The following SOCS5 variants were observed in gnomAD, a reference collection of about 807,000 sequenced individuals.
SOCS5 encodes CIS-6.
Under a neutral mutation model 42.8 loss-of-function variants are expected in SOCS5, and 32 were observed. That is an observed-to-expected ratio of 0.75 (90% CI 0.56 to 1.01). The LOEUF (loss-of-function observed/expected upper bound fraction) is 1.01, where lower values mean the gene tolerates loss of function less well. Ranked by LOEUF, SOCS5 falls within the 50% of genes least tolerant of loss-of-function variation. The pLI is 0.00. For missense variants in SOCS5, 627 were observed against 653.0 expected (o/e 0.96, Z 0.43); for synonymous variants, 283 against 229.6 (o/e 1.23, Z -2.10).
chr2:46,724,470 G>C (rs1672950720), intron 1 of SOCS5, among the ~76,000 whole-genome samples: 1 of 151,862 alleles, frequency 6.6e-6, no homozygotes, highest in East Asian at 1.9e-4. Flanking sequence ...TGGACAGTTA[G>C]ATTACTGATT....
chr2:46,701,863 A>G (rs9309136), intron 1 of SOCS5, among the ~76,000 whole-genome samples: 83,680 of 125,088 alleles, frequency 0.67, 29,791 homozygotes, highest in African/African-American at 0.84. Flanking sequence ...GAAGGCTTCT[A>G]TATTTTGAAA....
chr2:46,741,370 C>T (rs1397531090), intron 1 of SOCS5, among the ~76,000 whole-genome samples: 1 of 152,108 alleles, frequency 6.6e-6, no homozygotes, highest in Non-Finnish European at 1.5e-5. Context: ...GTCCAAGTAG[C>T]TGGGATTACA....
In SOCS5 at chr2:46,761,717, G is replaced by A. The variant is rs191708882; in HGVS notation, c.*1576G>A. On this transcript the variant is annotated 3_prime_UTR_variant, in exon 2 of 2. Transcript: ENST00000394861. ...ACAACCTTTCTATAGTTAATGCAGA[G>A]TTAATGAACAGTCTAATATTGACTT... 4 of 166,696 alleles carry A rather than the reference G, an allele frequency of 2.4e-5. No homozygotes were observed. In the East Asian group the frequency reaches 7.7e-4, roughly 32 times the overall value. The allele number at this position is 166,696 out of a possible 1,614,324, so 10.3% of individuals were successfully genotyped here. A position where few individuals can be genotyped will look rare whatever the true frequency, so the allele number is the denominator to read the frequency against.
chr2:46,717,310 C>T (rs1572833080), intron 1 of SOCS5, among the ~76,000 whole-genome samples: 1 of 152,252 alleles, frequency 6.6e-6, no homozygotes, highest in East Asian at 1.9e-4. Context: ...AATCACAGGG[C>T]TCCCCTTGCT....
chr2:46,741,491 T>G (rs1007185725), intron 1 of SOCS5, among the ~76,000 whole-genome samples: 1 of 152,066 alleles, frequency 6.6e-6, no homozygotes, highest in East Asian at 1.9e-4. Flanking sequence ...CCTTTTTAAA[T>G]AACATTTTAA....
At chr2:46,736,056 C>G (rs1238357338) in intron 1 of SOCS5, among the ~76,000 whole-genome samples, 3 of 151,018 alleles carry the variant, frequency 2.0e-5, no homozygotes, top group Non-Finnish European at 4.4e-5. Context: ...CTCCCTCCCT[C>G]TTTTGAGACA....
intron 1 of SOCS5, among the ~76,000 whole-genome samples, chr2:46,734,900 A>G (rs898819080): frequency 1.3e-5 from 2 of 152,156 alleles, no homozygotes; most frequent in Non-Finnish European, 2.9e-5. Flanking sequence ...ACTTGACATC[A>G]TCCGCCCCAT....
rs551071074 is a variant in SOCS5, at chr2:46,702,496, A to G, written c.-13+3047A>G. Among the ~76,000 whole-genome samples, 7 of 152,332 alleles carry G rather than the reference A, an allele frequency of 4.6e-5. No homozygotes were observed. In the South Asian group the frequency reaches 1.2e-3, roughly 27 times the overall value. On this transcript the variant is annotated intron_variant, in intron 1 of 1. Coordinates refer to ENST00000394861, the MANE Select transcript of SOCS5 (RefSeq NM_144949.3). ...AAAAATATTAATAATTGATTTGCAG[A>G]TATTCCAGTGAAAATACAGTACTAG...
chr2:46,735,727 A>C (rs74618052), intron 1 of SOCS5, among the ~76,000 whole-genome samples: 1 of 152,112 alleles, frequency 6.6e-6, no homozygotes, highest in South Asian at 2.1e-4. Context: ...AATATCAGAC[A>C]TAAGCAGATG....
intron 1 of SOCS5, among the ~76,000 whole-genome samples, chr2:46,745,886 A>G (rs1031339305): frequency 6.6e-6 from 1 of 152,172 alleles, no homozygotes; most frequent in Non-Finnish European, 1.5e-5. Flanking sequence ...GTCTCTGTAT[A>G]TGTAAAAACA....
intron 1 of SOCS5, among the ~76,000 whole-genome samples, chr2:46,712,000 A>G (rs1672632785): frequency 1.3e-5 from 2 of 152,198 alleles, no homozygotes; most frequent in Admixed American, 1.3e-4. Context: ...AAATAAGGTA[A>G]TAGAACTTCT....
chr2:46,705,451 T>C (rs535201378), intron 1 of SOCS5, among the ~76,000 whole-genome samples: 8 of 152,230 alleles, frequency 5.3e-5, no homozygotes, highest in Non-Finnish European at 1.2e-4. Flanking sequence ...CCTACACATA[T>C]GTTTTGAGGT....
chr2:46,757,262 A>G (rs999090241), intron 1 of SOCS5, among the ~76,000 whole-genome samples: 1 of 152,244 alleles, frequency 6.6e-6, no homozygotes, highest in African/African-American at 2.4e-5. Flanking sequence ...TGGCAAGATC[A>G]GCTAAAGTTT....
At chr2:46,751,614 C>G (rs1023465043) in intron 1 of SOCS5, among the ~76,000 whole-genome samples, 4 of 151,876 alleles carry the variant, frequency 2.6e-5, no homozygotes, top group Admixed American at 6.6e-5. Context: ...TTTAATTATT[C>G]TGTGTGTATA....
Position 46,705,873 on chromosome 2 carries a change from G to T in SOCS5, c.-13+6424G>T, listed in dbSNP as rs554990837. Among the ~76,000 whole-genome samples the T allele has an allele frequency of 5.9e-5, 9 of 152,332 alleles. No homozygotes were observed. The South Asian group carries it at 1.7e-3, about 28-fold the overall frequency. On this transcript the variant is annotated intron_variant, in intron 1 of 1. Coordinates refer to ENST00000394861, the MANE Select transcript of SOCS5 (RefSeq NM_144949.3). ...TTAAAAGCCAAGCCAGCAAGGAGAA[G>T]CTACAGGAATATCCTCTGATGAGTT...
At chr2:46,742,944 A>T (rs2103743665) in intron 1 of SOCS5, among the ~76,000 whole-genome samples, 1 of 152,236 alleles carries the variant, frequency 6.6e-6, no homozygotes, top group South Asian at 2.1e-4. Flanking sequence ...GATTACAGGC[A>T]TGAGGTTCCA....
chr2:46,708,130 G>A (rs1672537482), intron 1 of SOCS5, among the ~76,000 whole-genome samples: 1 of 152,178 alleles, frequency 6.6e-6, no homozygotes, highest in East Asian at 1.9e-4. Flanking sequence ...GACAGTCAAG[G>A]ATGACATTTA....
chr2:46,759,908 A>G lies in SOCS5; in HGVS notation c.1378A>G (p.Lys460Glu). The G allele has an allele frequency of 6.2e-7, 1 of 1,614,114 alleles. No homozygotes were observed. The highest frequency in any genetic ancestry group is 8.5e-7 in the Non-Finnish European group (1 of 1,180,018). The stretch of plus-strand genomic sequence containing the variant: ...TGTAACGGGACTTTTAGAACATTAT[A>G]AAGATCCCAGTTCGTGCATGTTTTT... ...STVTGLLEHYKDPSSCMFFEP... is the reference protein window; with the variant it reads ...STVTGLLEHYEDPSSCMFFEP... The change falls in exon 2 of 2, where the codon AAA (lysine) becomes GAA (glutamate). Residue 460 changes from lysine (K) to glutamate (E), a missense_variant. Transcript: ENST00000394861.
intron 1 of SOCS5, among the ~76,000 whole-genome samples, chr2:46,751,453 G>A (rs1288869653): frequency 1.3e-5 from 2 of 151,940 alleles, no homozygotes; most frequent in Non-Finnish European, 2.9e-5. Context: ...AGACATGCAA[G>A]TGTTTTTTTT....
Sources: gnomAD v4.1 joint callset for allele counts (sites outside exome capture counted in the v4.1 genomes callset) on GRCh38, gnomAD v4.1.1 for gene constraint, MANE v1.5 for transcripts, NCBI Gene and HGNC (gene_info 2026-07-23, HGNC 2026-07-21) for gene names.